Variants in GREB1L observed in about 807,000 individuals in gnomAD.
GREB1L encodes GREB1-like protein.
A neutral mutation model predicts 200.8 loss-of-function variants in GREB1L; 17 were observed. The ratio of observed to expected loss-of-function variants is 0.08; its 90% CI spans 0.06 to 0.13. The LOEUF (loss-of-function observed/expected upper bound fraction) is 0.13. Ranked by LOEUF, GREB1L falls within the 10% of genes least tolerant of loss-of-function variation. The pLI, the probability that GREB1L is intolerant of heterozygous loss-of-function variation, is 1.00. For synonymous variants in GREB1L, 789 were observed against 893.0 expected, an observed-to-expected ratio of 0.88 and a Z score of 2.08; for missense variants, 1,657 against 2,367.7, an observed-to-expected ratio of 0.70 and a Z score of 6.23.
rs559938737 is a variant in GREB1L, at chr18:21,305,678, C to T, written c.-119-60349C>T. The stretch of plus-strand genomic sequence containing the variant: ...TTTAAAGCAGAAGTCAGATCCTCTC[C>T]AGCTGAAAACCCTATGGCAACTTCC... On this transcript the variant is annotated intron_variant, in intron 1 of 32. Transcript: ENST00000424526. Among the ~76,000 whole-genome samples, 3 of 152,306 alleles carry T rather than the reference C, an allele frequency of 2.0e-5. No homozygotes were observed. In the South Asian group the frequency reaches 6.2e-4, roughly 32 times the overall value.
chr18:21,385,994 T>C (rs4800635), intron 4 of GREB1L, among the ~76,000 whole-genome samples: 50,633 of 152,010 alleles, frequency 0.33, 11,453 homozygotes, highest in African/African-American at 0.61. Context: ...ATAATAAACT[T>C]AGTGATCTAG....
chr18:21,435,955 A>G (rs141888533), intron 7 of GREB1L, among the ~76,000 whole-genome samples: 71 of 152,288 alleles, frequency 4.7e-4, no homozygotes, highest in South Asian at 2.3e-3. Flanking sequence ...GGCTAGAATG[A>G]TAACAGGTTG....
In GREB1L at chr18:21,384,261, A is replaced by G; in HGVS notation, c.213A>G (p.Gln71=). 1.3e-6 allele frequency: 2 copies of G among 1,551,502 alleles called. No individual in the cohort carries two copies. The highest frequency in any genetic ancestry group is 1.7e-4 in the Middle Eastern group (1 of 5,992). Residue 71 remains glutamine, a synonymous_variant, in exon 4 of 33, where the codon CAA becomes CAG. Transcript: ENST00000424526. The stretch of plus-strand genomic sequence containing the variant: ...AAGATTTGGTAAACCGCTACACTCA[A>G]AATGGAAGTCTGGATTTTTCTAACA... ...LDKDLVNRYT[Q]NGSLDFSNNL...
chr18:21,254,419 C>G (rs986419107), intron 1 of GREB1L, among the ~76,000 whole-genome samples: 2 of 151,848 alleles, frequency 1.3e-5, no homozygotes, highest in African/African-American at 4.8e-5. Flanking sequence ...CTGTTTTTCA[C>G]GCGTATCATT....
chr18:21,360,507 C>T (rs988118541), intron 1 of GREB1L, among the ~76,000 whole-genome samples: 2 of 151,790 alleles, frequency 1.3e-5, no homozygotes, highest in Non-Finnish European at 3.0e-5. Flanking sequence ...ATTACAGGCA[C>T]GAGCCACTGC....
At chr18:21,374,850 CTTTTTTT>C (rs535722957) in intron 2 of GREB1L, among the ~76,000 whole-genome samples, 2 of 130,258 alleles carry the variant, frequency 1.5e-5, no homozygotes, top group Non-Finnish European at 3.2e-5. Flanking sequence ...TTTCCTTTTC[CTTTTTTT>C]TTTTTTTTTT....
intron 2 of GREB1L, among the ~76,000 whole-genome samples, chr18:21,374,178 A>G (rs2039983781): frequency 6.6e-6 from 1 of 151,816 alleles, no homozygotes; most frequent in Non-Finnish European, 1.5e-5. Context: ...TAATTTTTGT[A>G]TTTTTTGTAG....
At chr18:21,448,562 T>C (rs892780125) in intron 11 of GREB1L, among the ~76,000 whole-genome samples, 2 of 152,122 alleles carry the variant, frequency 1.3e-5, no homozygotes, top group African/African-American at 4.8e-5. Context: ...CTTTTAGCCA[T>C]GGGTTCTGGG....
At chr18:21,265,737 A>G (rs975212591) in intron 1 of GREB1L, among the ~76,000 whole-genome samples, 3 of 152,178 alleles carry the variant, frequency 2.0e-5, no homozygotes, top group African/African-American at 4.8e-5. Context: ...TGTTGACTCA[A>G]TTGGAAGATG....
At chr18:21,267,546 C>T (rs139874372) in intron 1 of GREB1L, among the ~76,000 whole-genome samples, 1 of 152,186 alleles carries the variant, frequency 6.6e-6, no homozygotes, top group African/African-American at 2.4e-5. Context: ...CATGAAGTTA[C>T]AGAGAGTAGG....
chr18:21,294,512 T>C (rs994651232), intron 1 of GREB1L, among the ~76,000 whole-genome samples: 6 of 151,934 alleles, frequency 3.9e-5, no homozygotes, highest in African/African-American at 1.2e-4. Flanking sequence ...TCAGGCAGAT[T>C]TGCAGAATCC....
chr18:21,290,815 ACT>A (rs2038436731), intron 1 of GREB1L, among the ~76,000 whole-genome samples: 2 of 133,070 alleles, frequency 1.5e-5, no homozygotes, highest in Admixed American at 1.7e-4. Flanking sequence ...ACAGAGCAAG[ACT>A]CTGTCTCAAA....
At chr18:21,408,815 T>C (rs938380899) in intron 7 of GREB1L, among the ~76,000 whole-genome samples, 2 of 134,880 alleles carry the variant, frequency 1.5e-5, no homozygotes, top group African/African-American at 5.3e-5. Flanking sequence ...AAAAAAAAAG[T>C]AATGAGATAC....
Position 21,371,466 on chromosome 18 carries a change from A to T in GREB1L, c.-10+5330A>T, listed in dbSNP as rs1377271532. ...ATCCTCAACGTGGCACAATGATACA[A>T]TTTTTTTTTTTTTTTTTTAAAGTAA... is the stretch of plus-strand genomic sequence containing the variant. On this transcript the variant is annotated intron_variant, in intron 2 of 32. Coordinates refer to ENST00000424526, the MANE Select transcript of GREB1L (RefSeq NM_001142966.3). Among the ~76,000 whole-genome samples the T allele has an allele frequency of 8.5e-5, 12 of 141,026 alleles. 1 individual carries two copies. The East Asian group carries it at 2.1e-3, about 24-fold the overall frequency. 92.5% of individuals were successfully genotyped at this position (141,026 alleles called of 152,430 possible).
intron 7 of GREB1L, among the ~76,000 whole-genome samples, chr18:21,429,007 C>T (rs2032895283): frequency 1.3e-5 from 2 of 152,122 alleles, no homozygotes; most frequent in South Asian, 2.1e-4. Flanking sequence ...CATGAGCCAC[C>T]GTGCCCAGCC....
At chr18:21,299,521 CT>C (rs1236833221) in intron 1 of GREB1L, among the ~76,000 whole-genome samples, 153 of 141,624 alleles carry the variant, frequency 1.1e-3, no homozygotes, top group African/African-American at 2.0e-3. Context: ...ATTTGGGTTT[CT>C]TTTTTTTTTT....
chr18:21,521,196 C>CA (rs1033358702), intron 32 of GREB1L, among the ~76,000 whole-genome samples: 8 of 148,896 alleles, frequency 5.4e-5, no homozygotes, highest in South Asian at 4.2e-4. Context: ...GACTCCGTCT[C>CA]AAAAAAAAAG....
intron 24 of GREB1L, 106 bp downstream of exon 24, chr18:21,505,673 A>T: frequency 7.0e-7 from 1 of 1,427,266 alleles, no homozygotes; most frequent in Non-Finnish European, 9.4e-7. Flanking sequence ...TCATTTTTTA[A>T]ATTTTCATAA....
intron 17 of GREB1L, among the ~76,000 whole-genome samples, chr18:21,481,469 G>A (rs867330292): frequency 0.02 from 2,203 of 108,500 alleles, 86 homozygotes; most frequent in African/African-American, 0.091. Context: ...GTGTGTGTGT[G>A]TGTGTGTGTA....
Sources: allele counts gnomAD v4.1 joint callset (sites outside exome capture counted in the v4.1 genomes callset), GRCh38; gene constraint gnomAD v4.1.1; transcripts MANE v1.5; gene names NCBI Gene and HGNC (gene_info 2026-07-23, HGNC 2026-07-21).